The following TIAM1 variants were observed in gnomAD, a reference collection of about 807,000 sequenced individuals.
TIAM1 encodes the protein TIAM Rac1 associated GEF 1, also known as rho guanine nucleotide exchange factor TIAM1.
TIAM1 carries 65 observed loss-of-function variants against 163.5 expected under a neutral mutation model. The observed-to-expected ratio is 0.40, with a 90% CI of 0.33 to 0.49. The LOEUF (loss-of-function observed/expected upper bound fraction) is 0.49, where lower values mean the gene tolerates loss of function less well. Ranked by LOEUF, TIAM1 falls within the 20% of genes least tolerant of loss-of-function variation. TIAM1 has a pLI of 0.77. For synonymous variants in TIAM1, 833 were observed against 810.1 expected (o/e 1.03, Z -0.48); for missense variants, 1,789 against 2,044.7 (o/e 0.87, Z 2.41).
At chr21:31,332,361 C>A in intron 2 of TIAM1, among the ~76,000 whole-genome samples, 1 of 152,098 alleles carries the variant, frequency 6.6e-6, no homozygotes, top group East Asian at 1.9e-4. Context: ...AGAGAAATTT[C>A]TATACACTCA....
intron 2 of TIAM1, among the ~76,000 whole-genome samples, chr21:31,452,122 G>C (rs901934084): frequency 6.6e-6 from 1 of 152,060 alleles, no homozygotes; most frequent in Non-Finnish European, 1.5e-5. Flanking sequence ...CCTTGAATGT[G>C]GGCAGGACAT....
At chr21:31,382,854 A>G (rs1411113342) in intron 2 of TIAM1, among the ~76,000 whole-genome samples, 3 of 152,340 alleles carry the variant, frequency 2.0e-5, no homozygotes, top group Middle Eastern at 3.4e-3. Flanking sequence ...TATGCCTTCA[A>G]TATGGAAAAG....
chr21:31,182,447 G>C lies in TIAM1; in HGVS notation c.2861C>G (p.Pro954Arg), dbSNP rs766949054. ...VDGPADLGES[P>R]LAFLTSNPGH... is the part of the protein sequence containing the mutation. ...TGGGTTGCTGGTGAGAAAGGCGAGG[G>C]GGCTCTCGCCAAGGTCGGCAGGGCC... The change falls in exon 15 of 28, where the codon CCC becomes CGC. Residue 954 changes from proline (P) to arginine (R), a missense_variant. By Grantham distance (103) the Pro-to-Arg change is moderately radical (BLOSUM62 -2). Around this residue, in one of 5 missense-constraint regions of TIAM1, gnomAD observed 303 missense variants for 321.3 expected, o/e 0.94. Transcript: ENST00000541036. 1 of 1,592,984 alleles carries C rather than the reference G, an allele frequency of 6.3e-7. No individual in the cohort carries two copies. The highest frequency in any genetic ancestry group is 8.5e-7 in the Non-Finnish European group (1 of 1,170,262).
intron 1 of TIAM1, among the ~76,000 whole-genome samples, chr21:31,550,178 C>T (rs1448890034): frequency 3.3e-5 from 5 of 151,866 alleles, no homozygotes; most frequent in Non-Finnish European, 7.4e-5. Flanking sequence ...AATACTTGTG[C>T]CATATTCATT....
At chr21:31,130,789 T>C (rs1466092618) in intron 24 of TIAM1, 101 bp downstream of exon 24, 3 of 1,125,882 alleles carry the variant, frequency 2.7e-6, no homozygotes, top group African/African-American at 1.6e-5. Context: ...AAAAAGATCA[T>C]AAAAAGGCTC....
chr21:31,257,990 C>T (rs1443438545), intron 4 of TIAM1, among the ~76,000 whole-genome samples: 1 of 150,962 alleles, frequency 6.6e-6, no homozygotes, highest in Non-Finnish European at 1.5e-5. Context: ...CCAGCTCCCT[C>T]CTCCCCTCCT....
intron 1 of TIAM1, among the ~76,000 whole-genome samples, chr21:31,478,223 T>G (rs1479583662): frequency 3.3e-5 from 5 of 152,212 alleles, no homozygotes; most frequent in African/African-American, 1.2e-4. Context: ...ACATGTAAAC[T>G]TTTTATTGGG....
At chr21:31,140,576 C>CTT (rs1193700137) in intron 22 of TIAM1, among the ~76,000 whole-genome samples, 1 of 152,206 alleles carries the variant, frequency 6.6e-6, no homozygotes, top group Non-Finnish European at 1.5e-5. Context: ...TGGCAACATA[C>CTT]TTTTATTCAG....
chr21:31,451,732 T>TGTGC (rs1347836520), intron 2 of TIAM1, among the ~76,000 whole-genome samples: 1 of 77,034 alleles, frequency 1.3e-5, no homozygotes, highest in African/African-American at 4.9e-5. Context: ...TGTGTGTGTG[T>TGTGC]GTGTGTGTGT....
At chr21:31,323,780 G>A (rs948807752) in intron 2 of TIAM1, among the ~76,000 whole-genome samples, 19 of 152,026 alleles carry the variant, frequency 1.2e-4, no homozygotes, top group East Asian at 1.2e-3. Context: ...GCAGTGAGCC[G>A]GGATCGCGCC....
At chr21:31,239,565 C>A (rs2071060508) in intron 6 of TIAM1, among the ~76,000 whole-genome samples, 1 of 152,152 alleles carries the variant, frequency 6.6e-6, no homozygotes, top group African/African-American at 2.4e-5. Flanking sequence ...TTAAGTTTCA[C>A]TGCAACAAAT....
intron 16 of TIAM1, among the ~76,000 whole-genome samples, chr21:31,160,082 T>C (rs778473570): frequency 4.6e-5 from 7 of 152,182 alleles, no homozygotes; most frequent in East Asian, 1.9e-4. Context: ...ATTCTCACCA[T>C]GCACGTAACA....
chr21:31,396,363 T>C (rs2077068990), intron 2 of TIAM1, among the ~76,000 whole-genome samples: 1 of 152,000 alleles, frequency 6.6e-6, no homozygotes, highest in Non-Finnish European at 1.5e-5. Flanking sequence ...TTTCTCTAGA[T>C]TTCCACGGGG....
chr21:31,330,336 G>A (rs553057936), intron 2 of TIAM1, among the ~76,000 whole-genome samples: 14 of 152,308 alleles, frequency 9.2e-5, no homozygotes, highest in Middle Eastern at 6.8e-3. Flanking sequence ...ACTTACTGAA[G>A]GGCATCTTGG....
chr21:31,410,527 G>C (rs1192759342), intron 2 of TIAM1, among the ~76,000 whole-genome samples: 1 of 151,070 alleles, frequency 6.6e-6, no homozygotes, highest in Non-Finnish European at 1.5e-5. Flanking sequence ...GAGTGCATGA[G>C]ACTGAGTTTA....
chr21:31,333,439 T>C (rs1487708344), intron 2 of TIAM1, among the ~76,000 whole-genome samples: 1 of 152,170 alleles, frequency 6.6e-6, no homozygotes, highest in Non-Finnish European at 1.5e-5. Context: ...ATGAACTCTC[T>C]TTTTGTTTTT....
intron 2 of TIAM1, among the ~76,000 whole-genome samples, chr21:31,451,698 T>TCTGGGAGAAACTCAGTACCA (rs140594128): frequency 2.7e-5 from 4 of 149,718 alleles, no homozygotes; most frequent in African/African-American, 5.0e-5. Flanking sequence ...GGCACCAGGC[T>TCTGGGAGAAACTCAGTACCA]GAGTGAAAGC....
intron 2 of TIAM1, among the ~76,000 whole-genome samples, chr21:31,433,040 T>C (rs186461394): frequency 6.6e-6 from 1 of 152,224 alleles, no homozygotes; most frequent in Non-Finnish European, 1.5e-5. Context: ...GGTATGTCTT[T>C]ATCCAACATT....
intron 13 of TIAM1, 123 bp from the exon 14 acceptor site, chr21:31,187,210 T>C: frequency 2.3e-6 from 2 of 851,890 alleles, no homozygotes; most frequent in East Asian, 4.9e-5. Flanking sequence ...GGACTGATTG[T>C]TTTTTCTTGT....
Sources: gnomAD v4.1 joint callset for allele counts (sites outside exome capture counted in the v4.1 genomes callset) on GRCh38, gnomAD v4.1.1 for gene constraint, gnomAD v4.1.1 regional missense constraint, MANE v1.5 for transcripts, NCBI Gene and HGNC (gene_info 2026-07-23, HGNC 2026-07-21) for gene names.